Variants in RARB observed in about 807,000 individuals in gnomAD.
RARB encodes retinoic acid receptor beta, also known as HBV-activated protein.
Under a neutral mutation model 51.9 loss-of-function variants are expected in RARB, and 17 were observed. The ratio of observed to expected loss-of-function variants is 0.33; its 90% CI spans 0.22 to 0.49. The LOEUF is 0.49. Ranked by LOEUF, RARB falls within the 20% of genes least tolerant of loss-of-function variation. The pLI, the probability that RARB is intolerant of heterozygous loss-of-function variation, is 0.99. For missense variants in RARB, 369 were observed against 550.8 expected, an observed-to-expected ratio of 0.67 and a Z score of 3.30; for synonymous variants, 215 against 195.4, an observed-to-expected ratio of 1.10 and a Z score of -0.84.
intron 4 of RARB, among the ~76,000 whole-genome samples, chr3:25,169,184 A>G (rs1460512803): frequency 6.6e-6 from 1 of 152,204 alleles, no homozygotes; most frequent in African/African-American, 2.4e-5. Context: ...AACATCCTTC[A>G]GAAAACTCTT....
At chr3:25,194,424 G>A (rs950561372) in intron 5 of RARB, among the ~76,000 whole-genome samples, 1 of 151,176 alleles carries the variant, frequency 6.6e-6, no homozygotes, top group East Asian at 2.0e-4. Context: ...GAAGGTGATG[G>A]ATAGCATAAT....
chr3:24,998,504 T>C (rs1027935423), intron 2 of RARB, among the ~76,000 whole-genome samples: 4 of 151,626 alleles, frequency 2.6e-5, no homozygotes. Flanking sequence ...AAAAAAAAAA[T>C]GGAGTTTTTG....
chr3:24,981,769 AG>A (rs1200738672), intron 2 of RARB, among the ~76,000 whole-genome samples: 2 of 152,112 alleles, frequency 1.3e-5, no homozygotes, highest in African/African-American at 4.8e-5. Flanking sequence ...GTTCTGCTTC[AG>A]CTCACCTTCC....
chr3:25,178,009 T>G (rs1222918528), intron 5 of RARB, among the ~76,000 whole-genome samples: 2 of 152,024 alleles, frequency 1.3e-5, no homozygotes, highest in African/African-American at 4.8e-5. Context: ...TTCACGTAAC[T>G]CAGGTTTCTC....
Position 25,105,247 on chromosome 3 carries a change from T to C in RARB, c.-327-26914T>C, listed in dbSNP as rs1699476797. ...GCATCTACACACCACTGGACTTTTT[T>C]CCTCCCCTACCTAATGAGCTTTAGG... is the stretch of plus-strand genomic sequence containing the variant. On this transcript the variant is annotated intron_variant, in intron 3 of 11. Transcript: ENST00000383772. 1.3e-5 allele frequency among the ~76,000 whole-genome samples: 2 copies of C among 152,090 alleles called. 1 individual carries two copies. The highest frequency in any genetic ancestry group is 4.2e-4 in the South Asian group (2 of 4,812).
intron 2 of RARB, among the ~76,000 whole-genome samples, chr3:24,873,312 A>C (rs1702981188): frequency 6.8e-6 from 1 of 147,070 alleles, no homozygotes; most frequent in South Asian, 2.1e-4. Context: ...GACCTCATTT[A>C]ACTTCATTTA....
intron 3 of RARB, among the ~76,000 whole-genome samples, chr3:25,536,346 C>T (rs897388750): frequency 6.6e-6 from 1 of 152,122 alleles, no homozygotes; most frequent in Admixed American, 6.5e-5. Context: ...AGACACGACA[C>T]TGGAATAAAG....
intron 5 of RARB, among the ~76,000 whole-genome samples, chr3:25,176,879 T>C (rs1480522152): frequency 6.6e-6 from 1 of 152,158 alleles, no homozygotes; most frequent in Admixed American, 6.5e-5. Context: ...ATTTTCTAGA[T>C]CAAAACTGGT....
intron 1 of RARB, among the ~76,000 whole-genome samples, chr3:25,440,640 GCCC>G (rs1287600115): frequency 6.6e-6 from 1 of 151,816 alleles, no homozygotes; most frequent in Admixed American, 6.6e-5. Flanking sequence ...GCGTGGTGGT[GCCC>G]GCGCCTGTAG....
chr3:25,139,876 C>A (rs1700082914), intron 4 of RARB, among the ~76,000 whole-genome samples: 1 of 152,082 alleles, frequency 6.6e-6, no homozygotes, highest in Non-Finnish European at 1.5e-5. Context: ...AGTCTTAGGG[C>A]CCTTAATAAT....
upstream of RARB, among the ~76,000 whole-genome samples, chr3:25,424,758 G>A (rs529790110): frequency 8.9e-4 from 135 of 152,160 alleles, no homozygotes; most frequent in African/African-American, 2.8e-3. Context: ...GAACACAGCC[G>A]GCTGCAGTAC....
chr3:25,333,741 A>C (rs1704974509), intron 5 of RARB, among the ~76,000 whole-genome samples: 1 of 152,230 alleles, frequency 6.6e-6, no homozygotes, highest in African/African-American at 2.4e-5. Context: ...TGAACAGGCA[A>C]CCTACAGAAT....
At chr3:25,108,539 C>G (rs1699548419) in intron 3 of RARB, among the ~76,000 whole-genome samples, 1 of 152,094 alleles carries the variant, frequency 6.6e-6, no homozygotes, top group African/African-American at 2.4e-5. Context: ...CCATACATCA[C>G]TCGTAATCCT....
intron 2 of RARB, among the ~76,000 whole-genome samples, chr3:25,469,194 G>A (rs960046209): frequency 6.6e-6 from 1 of 152,240 alleles, no homozygotes; most frequent in African/African-American, 2.4e-5. Flanking sequence ...CAGACAGCAA[G>A]CAGAATGTTC....
intron 5 of RARB, among the ~76,000 whole-genome samples, chr3:25,584,266 C>T (rs951329775): frequency 2.6e-5 from 4 of 152,134 alleles, no homozygotes; most frequent in African/African-American, 7.2e-5. Context: ...CAAGCTAAAA[C>T]CCCAGCCCTC....
chr3:25,557,333 A>G (rs1700103353), intron 3 of RARB, among the ~76,000 whole-genome samples: 1 of 152,186 alleles, frequency 6.6e-6, no homozygotes. Flanking sequence ...TAGAAGAAAC[A>G]AAACCCGGAG....
At chr3:24,910,504 C>T (rs1694969823) in intron 2 of RARB, among the ~76,000 whole-genome samples, 1 of 152,144 alleles carries the variant, frequency 6.6e-6, no homozygotes, top group Non-Finnish European at 1.5e-5. Context: ...TCTGTGTTTA[C>T]AAAGGAGAGC....
chr3:25,406,131 A>C (rs953383496), intron 5 of RARB, among the ~76,000 whole-genome samples: 9 of 152,072 alleles, frequency 5.9e-5, no homozygotes, highest in African/African-American at 1.9e-4. Flanking sequence ...ACCTTCACCA[A>C]CATGACCAGG....
At chr3:24,933,574 G>A (rs1342315770) in intron 2 of RARB, among the ~76,000 whole-genome samples, 1 of 152,050 alleles carries the variant, frequency 6.6e-6, no homozygotes, top group Non-Finnish European at 1.5e-5. Flanking sequence ...TATGGGCAGA[G>A]CAAATGAGGA....
Sources: gnomAD v4.1 joint callset for allele counts (sites outside exome capture counted in the v4.1 genomes callset) on GRCh38, gnomAD v4.1.1 for gene constraint, MANE v1.5 for transcripts, NCBI Gene and HGNC (gene_info 2026-07-23, HGNC 2026-07-21) for gene names.